PCDH9: variants seen among roughly 807,000 people sequenced by gnomAD.
The protein encoded by PCDH9 is protocadherin-9.
Under a neutral mutation model 70.6 loss-of-function variants are expected in PCDH9, and 24 were observed. That is an observed-to-expected ratio of 0.34 (90% CI 0.25 to 0.48). The LOEUF (loss-of-function observed/expected upper bound fraction) is 0.48, where lower values mean the gene tolerates loss of function less well. Ranked by LOEUF, PCDH9 falls within the 20% of genes least tolerant of loss-of-function variation. The pLI is 0.99. For synonymous variants in PCDH9, 562 were observed against 558.5 expected (o/e 1.01, Z -0.09); for missense variants, 1,281 against 1,503.6 (o/e 0.85, Z 2.45).
intron 2 of PCDH9, chr13:67,225,134 C>A: frequency 7.5e-7 from 1 of 1,339,936 alleles, no homozygotes. Flanking sequence ...CAAACATTAT[C>A]TTGGGACATT....
Position 66,367,544 on chromosome 13 carries a change from A to T in PCDH9, c.3341-62516T>A, listed in dbSNP as rs543599897. ...AAACATCCCTGACTGATTCATTGCA[A>T]TATCACATCAAGACTGAAAAATTCT... On this transcript the variant is annotated intron_variant, in intron 4 of 4. Transcript: ENST00000377865. Among the ~76,000 whole-genome samples the T allele has an allele frequency of 5.9e-5, 9 of 152,290 alleles. No homozygotes were observed. The East Asian group carries it at 1.7e-3, about 29-fold the overall frequency.
chr13:66,472,917 AT>A (rs1405243216), intron 4 of PCDH9, among the ~76,000 whole-genome samples: 1 of 152,056 alleles, frequency 6.6e-6, no homozygotes, highest in African/African-American at 2.4e-5. Context: ...ATGAAAGTTC[AT>A]TTTTTATTAT....
chr13:66,917,248 C>T (rs778014881), intron 2 of PCDH9, among the ~76,000 whole-genome samples: 4 of 151,414 alleles, frequency 2.6e-5, no homozygotes, highest in South Asian at 2.1e-4. Flanking sequence ...TGGCCTGCCA[C>T]GAAACTGGGC....
chr13:66,350,188 A>C (rs140029585), intron 4 of PCDH9, among the ~76,000 whole-genome samples: 2 of 152,260 alleles, frequency 1.3e-5, no homozygotes, highest in South Asian at 4.1e-4. Context: ...CCAAATCATA[A>C]ATTCAACTTG....
At chr13:66,328,396 TATG>T (rs1198824223) in intron 4 of PCDH9, among the ~76,000 whole-genome samples, 5 of 152,298 alleles carry the variant, frequency 3.3e-5, no homozygotes, top group Non-Finnish European at 5.9e-5. Context: ...GCCTTAGAAG[TATG>T]ATATTATCAT....
chr13:67,047,104 A>AC (rs1319858638), intron 2 of PCDH9, among the ~76,000 whole-genome samples: 2 of 152,142 alleles, frequency 1.3e-5, no homozygotes. Flanking sequence ...AGGGAGAAGC[A>AC]CTTAGCCCAG....
At chr13:66,440,376 T>C (rs1410573078) in intron 4 of PCDH9, among the ~76,000 whole-genome samples, 4 of 152,230 alleles carry the variant, frequency 2.6e-5, no homozygotes, top group South Asian at 2.1e-4. Flanking sequence ...CATTGATTAA[T>C]TGATTATTAA....
rs555390636 is a variant in PCDH9, at chr13:66,367,933, T to G, written c.3341-62905A>C. ...AAATTAAACCTCTTTGTAAGCAACT[T>G]CCATGCAATCCTTAGACATTTTCTA... On this transcript the variant is annotated intron_variant, in intron 4 of 4. Transcript: ENST00000377865. Among the ~76,000 whole-genome samples the G allele has an allele frequency of 2.0e-5, 3 of 152,258 alleles. No individual in the cohort carries two copies. The South Asian group carries it at 6.2e-4, about 32-fold the overall frequency.
chr13:66,530,214 G>A, intron 4 of PCDH9, among the ~76,000 whole-genome samples: 1 of 152,020 alleles, frequency 6.6e-6, no homozygotes, highest in South Asian at 2.1e-4. Flanking sequence ...TTTGTCTACA[G>A]AAAGAAATTA....
At chr13:67,197,567 C>A (rs2089100935) in intron 2 of PCDH9, among the ~76,000 whole-genome samples, 1 of 151,918 alleles carries the variant, frequency 6.6e-6, no homozygotes, top group Admixed American at 6.6e-5. Flanking sequence ...TCTGTGGGAA[C>A]TTTGATCTGC....
intron 4 of PCDH9, among the ~76,000 whole-genome samples, chr13:66,606,024 T>C (rs1281082196): frequency 6.6e-6 from 1 of 152,064 alleles, no homozygotes; most frequent in Non-Finnish European, 1.5e-5. Flanking sequence ...CCCCTCGCCA[T>C]TCCATGGGGC....
intron 3 of PCDH9, among the ~76,000 whole-genome samples, chr13:66,787,458 A>G (rs1465130500): frequency 6.6e-6 from 1 of 151,976 alleles, no homozygotes; most frequent in Non-Finnish European, 1.5e-5. Flanking sequence ...TCTACTAAAA[A>G]TACAAACATT....
At chr13:67,110,419 C>T (rs1218652847) in intron 2 of PCDH9, among the ~76,000 whole-genome samples, 1 of 143,808 alleles carries the variant, frequency 7.0e-6, no homozygotes, top group African/African-American at 2.6e-5. Context: ...CAGGCTGAGG[C>T]AGGAGAGTTG....
rs186492924 is a variant in PCDH9 at position 66,950,870 on chromosome 13, G to A, written c.3037-47265C>T. On this transcript the variant is annotated intron_variant, in intron 2 of 4. Transcript: ENST00000377865. ...CCATCTGTCATATGGCATAGGACAG[G>A]TTTTCCCATTGTGTATTTATTTTTT... is the stretch of plus-strand genomic sequence containing the variant. 2.2e-4 allele frequency among the ~76,000 whole-genome samples: 33 copies of A among 152,036 alleles called. No homozygotes were observed. In the East Asian group the frequency reaches 3.1e-3, roughly 14 times the overall value.
At chr13:66,353,123 C>T (rs1459443460) in intron 4 of PCDH9, among the ~76,000 whole-genome samples, 2 of 152,136 alleles carry the variant, frequency 1.3e-5, no homozygotes, top group Non-Finnish European at 2.9e-5. Context: ...CCTTCCTTTA[C>T]CTTCCCCTCT....
At chr13:66,355,513 A>G (rs1202981558) in intron 4 of PCDH9, among the ~76,000 whole-genome samples, 3 of 152,042 alleles carry the variant, frequency 2.0e-5, no homozygotes, top group Non-Finnish European at 4.4e-5. Flanking sequence ...AATGGCCTCA[A>G]GCATAGGGCT....
chr13:66,923,733 T>C (rs547543262), intron 2 of PCDH9, among the ~76,000 whole-genome samples: 37 of 151,886 alleles, frequency 2.4e-4, no homozygotes, highest in African/African-American at 8.2e-4. Context: ...GTGAATTCCC[T>C]GGCAGGGTTA....
At chr13:66,347,360 C>T (rs964749782) in intron 4 of PCDH9, among the ~76,000 whole-genome samples, 2 of 152,056 alleles carry the variant, frequency 1.3e-5, no homozygotes, top group Non-Finnish European at 2.9e-5. Context: ...CCTTATCATT[C>T]AGTGTACTTA....
chr13:66,796,310 A>C (rs1464372906), intron 3 of PCDH9, among the ~76,000 whole-genome samples: 1 of 152,166 alleles, frequency 6.6e-6, no homozygotes, highest in African/African-American at 2.4e-5. Context: ...GAAAAAGCAA[A>C]GTTGCAGACC....
Sources: gnomAD v4.1 joint callset for allele counts (sites outside exome capture counted in the v4.1 genomes callset) on GRCh38, gnomAD v4.1.1 for gene constraint, MANE v1.5 for transcripts, NCBI Gene and HGNC (gene_info 2026-07-23, HGNC 2026-07-21) for gene names.